WDR81: variants seen among roughly 807,000 people sequenced by gnomAD.
The protein encoded by WDR81 is WD repeat-containing protein 81.
A neutral mutation model predicts 140.8 loss-of-function variants in WDR81; 92 were observed. That is an observed-to-expected ratio of 0.65 (90% CI 0.55 to 0.78). The LOEUF is 0.78. Ranked by LOEUF, WDR81 falls within the 30% of genes least tolerant of loss-of-function variation. The pLI is 0.00. For synonymous variants in WDR81, 1,183 were observed against 1,156.4 expected (o/e 1.02, Z -0.47); for missense variants, 2,502 against 2,636.4 (o/e 0.95, Z 1.12).
chr17:1,730,003 A>AAGAAG (rs1555563755), intron 1 of WDR81, among the ~76,000 whole-genome samples: 6 of 145,078 alleles, frequency 4.1e-5, no homozygotes, highest in East Asian at 2.1e-4. Flanking sequence ...AAAAAAAAAA[A>AAGAAG]AAGAAGAAGA....
At chr17:1,723,649 G>A (rs1046950790), upstream of WDR81, among the ~76,000 whole-genome samples, 16 of 151,704 alleles carry the variant, frequency 1.1e-4, no homozygotes, top group African/African-American at 3.9e-4. Flanking sequence ...CCACGGCCAG[G>A]TAATTTTTTG....
chr17:1,726,022 G>T lies in WDR81; in HGVS notation c.1063G>T (p.Gly355Cys). The change falls in exon 1 of 10, where the codon GGC becomes TGC. Residue 355 changes from glycine (G) to cysteine (C), a missense_variant. By Grantham distance (159) the Gly-to-Cys change is radical. Around this residue, in one of 3 missense-constraint regions of WDR81, gnomAD observed 547 missense variants for 513.8 expected, o/e 1.06. Coordinates refer to ENST00000409644, the MANE Select transcript of WDR81 (RefSeq NM_001163809.2). ...GAGCCTCGTGCTAGATTGGGTCCAC[G>T]GCCGCATCAGCAACTTCCACTACCT... The part of the protein sequence containing the change: ...LRSLVLDWVH[G>C]RISNFHYLMQ... The T allele has an allele frequency of 1.9e-6, 3 of 1,545,234 alleles. No homozygotes were observed. Among genetic ancestry groups the T allele is most frequent in the East Asian group, 2.5e-5 (1 of 40,786 alleles).
At chr17:1,716,753 C>T (rs898717281) in intron 1 of WDR81, 18 of 1,141,424 alleles carry the variant, frequency 1.6e-5, no homozygotes, top group Non-Finnish European at 2.1e-5. Context: ...ACTGACTCGC[C>T]GGCCTCTGCG....
At position 1,725,738 on chromosome 17, in the gene WDR81, T is replaced by G; in HGVS notation, c.779T>G (p.Val260Gly). 1.3e-6 allele frequency: 2 copies of G among 1,550,528 alleles called. No homozygotes were observed. The highest frequency in any genetic ancestry group is 1.7e-6 in the Non-Finnish European group (2 of 1,147,030). Residue 260 changes from valine to glycine, a missense_variant, in exon 1 of 10, where the codon GTG (valine) becomes GGG (glycine). Around this residue, in one of 3 missense-constraint regions of WDR81, gnomAD observed 547 missense variants for 513.8 expected, o/e 1.06. Transcript: ENST00000409644. Reference protein sequence around the residue: ...PAKLTNSQAKVLFILFRVLRA... With the variant: ...PAKLTNSQAKGLFILFRVLRA... ...AAGCTGACCAACAGCCAGGCCAAGG[T>G]GCTGTTCATTCTCTTCCGCGTGCTG... is the stretch of plus-strand genomic sequence containing the variant.
At chr17:1,723,463 TTATTTATTTA>T (rs1915000482), upstream of WDR81, among the ~76,000 whole-genome samples, 14 of 109,990 alleles carry the variant, frequency 1.3e-4, no homozygotes, top group South Asian at 2.7e-3. Context: ...TTATTTTTAT[TTATTTATTTA>T]TTTATTTATT....
chr17:1,721,593 G>GGGCCGATTGCTTGAGCCC (rs1166526836), upstream of WDR81, among the ~76,000 whole-genome samples: 1 of 149,340 alleles, frequency 6.7e-6, no homozygotes, highest in Non-Finnish European at 1.5e-5. Context: ...AGGCCGAGAT[G>GGGCCGATTGCTTGAGCCC]GGCCGATTGC....
rs1202582180 is a variant in WDR81 at position 1,737,384 on chromosome 17, T to C, written c.5525T>C (p.Leu1842Pro). The change falls in exon 10 of 10, where the codon CTG (leucine) becomes CCG (proline). Residue 1842 changes from leucine (L) to proline (P), a missense_variant. Coordinates refer to ENST00000409644, the MANE Select transcript of WDR81 (RefSeq NM_001163809.2). The stretch of plus-strand genomic sequence containing the variant: ...GGACAGGCGGTGGAGGGCAGCGTCC[T>C]GGTCAGCTCCTCCTCTGACCATTCC... Reference protein sequence around the residue: ...LQIKAVEGSVLVSSSSDHSLT... With the variant: ...LQIKAVEGSVPVSSSSDHSLT... 2 of 1,611,236 alleles carry C rather than the reference T, an allele frequency of 1.2e-6. No individual in the cohort carries two copies. The highest frequency in any genetic ancestry group is 1.7e-6 in the Non-Finnish European group (2 of 1,179,006).
At chr17:1,724,049 G>T (rs909712992), upstream of WDR81, among the ~76,000 whole-genome samples, 1 of 152,130 alleles carries the variant, frequency 6.6e-6, no homozygotes, top group African/African-American at 2.4e-5. Context: ...GCATGGAGGC[G>T]CCGGGGGGAT....
chr17:1,722,231 T>C (rs977336048), upstream of WDR81, among the ~76,000 whole-genome samples: 1 of 152,286 alleles, frequency 6.6e-6, no homozygotes, highest in East Asian at 1.9e-4. Flanking sequence ...AAGTTTGTTG[T>C]AAGTTACTAC....
chr17:1,734,777 TC>T (rs146014824), intron 7 of WDR81, among the ~76,000 whole-genome samples: 34,472 of 114,282 alleles, frequency 0.3, 4,872 homozygotes, highest in East Asian at 0.58. Flanking sequence ...AGACTCTGTC[TC>T]AAAAAAAAAA....
chr17:1,730,727 C>G lies in WDR81; in HGVS notation c.3776-28C>G, dbSNP rs777993924. 5 of 1,588,878 alleles carry G rather than the reference C, an allele frequency of 3.1e-6. No homozygotes were observed. In the African/African-American group the frequency reaches 6.7e-5, roughly 21 times the overall value. On this transcript the variant is annotated intron_variant, in intron 2 of 9. Coordinates refer to ENST00000409644, the MANE Select transcript of WDR81 (RefSeq NM_001163809.2). ...GCTACCCCCGGCCCTCCACTGGCGA[C>G]TCAGGGCTGCTGGCCCTTCCGTGGC...
rs1382157502 is a variant in WDR81 at position 1,736,158 on chromosome 17, C to A, written c.5445C>A (p.Thr1815=). 1 of 1,601,484 alleles carries A rather than the reference C, an allele frequency of 6.2e-7. No homozygotes were observed. Among genetic ancestry groups the A allele is most frequent in the East Asian group, 2.2e-5 (1 of 44,866 alleles). ...FSSGFMVLLD[T]RTGLVLRGWP... ...CAGGCTTCATGGTGCTCCTGGACAC[C>A]CGCACAGGCCTGGTTCTGCGAGGCT... Residue 1815 remains threonine (T), a synonymous_variant, in exon 9 of 10, where the codon ACC becomes ACA. Coordinates refer to ENST00000409644, the MANE Select transcript of WDR81 (RefSeq NM_001163809.2).
Position 1,735,151 on chromosome 17 carries a change from C to T in WDR81, c.5180-421C>T, listed in dbSNP as rs921166925. Among the ~76,000 whole-genome samples the T allele has an allele frequency of 9.2e-5, 14 of 152,234 alleles. No homozygotes were observed. Among genetic ancestry groups the T allele is most frequent in the Admixed American group, 5.9e-4 (9 of 15,302 alleles). ...CTCTACTAAGAATACAAAAAAAGGCCGGACGCGGTGGCTCACGCCTGTAAT... is the reference window on the plus strand; with the variant it reads ...CTCTACTAAGAATACAAAAAAAGGCTGGACGCGGTGGCTCACGCCTGTAAT... On this transcript the variant is annotated intron_variant, in intron 7 of 9. Coordinates refer to ENST00000409644, the MANE Select transcript of WDR81 (RefSeq NM_001163809.2). The surrounding 1 kb of genome is among the most constrained non-coding windows in gnomAD (Gnocchi z 4.2).
chr17:1,736,167 C>G lies in WDR81; in HGVS notation c.5454C>G (p.Gly1818=). 6.2e-7 allele frequency: 1 copy of G among 1,600,202 alleles called. No individual in the cohort carries two copies. ...TGGTGCTCCTGGACACCCGCACAGG[C>G]CTGGTTCTGCGAGGCTGGCCAGCCC... The part of the protein sequence containing the change: ...GFMVLLDTRT[G]LVLRGWPAHE... Residue 1818 remains glycine (G), a synonymous_variant, in exon 9 of 10, where the codon GGC becomes GGG. Transcript: ENST00000409644.
At position 1,725,974 on chromosome 17, in the gene WDR81, C is replaced by T; in HGVS notation, c.1015C>T (p.Pro339Ser). The T allele has an allele frequency of 6.5e-7, 1 of 1,550,216 alleles. No homozygotes were observed. ...QEEQGGQPGQ[P>S]TGQEELRSLV... ...GGAGCAGGGAGGGCAACCTGGGCAA[C>T]CCACTGGCCAGGAGGAACTTCGGAG... Residue 339 changes from proline (P) to serine (S), a missense_variant, in exon 1 of 10, where the codon CCC becomes TCC. Transcript: ENST00000409644.
At chr17:1,719,276 G>A (rs1376265412) in intron 1 of WDR81, among the ~76,000 whole-genome samples, 3 of 152,090 alleles carry the variant, frequency 2.0e-5, no homozygotes, top group East Asian at 1.9e-4. Context: ...GCCCGGGCGC[G>A]GTGGCTCATG....
intron 5 of WDR81, 80 bp from the exon 6 acceptor site, chr17:1,732,586 C>A: frequency 1.3e-6 from 2 of 1,573,840 alleles, no homozygotes; most frequent in South Asian, 2.4e-5. Context: ...AAGCTGGACT[C>A]CGCGGGCCGT....
chr17:1,722,038 G>A (rs1244613025), upstream of WDR81, among the ~76,000 whole-genome samples: 6 of 151,766 alleles, frequency 4.0e-5, no homozygotes, highest in East Asian at 3.9e-4. Context: ...CAGGAGAATC[G>A]CTTGAACCCG....
At chr17:1,720,390 G>T (rs1476714434), upstream of WDR81, among the ~76,000 whole-genome samples, 3 of 152,228 alleles carry the variant, frequency 2.0e-5, no homozygotes, top group Non-Finnish European at 4.4e-5. Context: ...TACTTCTCAA[G>T]ACATAGCCTG....
Sources: allele counts gnomAD v4.1 joint callset (sites outside exome capture counted in the v4.1 genomes callset), GRCh38; gene constraint gnomAD v4.1.1; regional missense constraint gnomAD v4.1.1; non-coding constraint Gnocchi (gnomAD v3.1); transcripts MANE v1.5; gene names NCBI Gene and HGNC (gene_info 2026-07-23, HGNC 2026-07-21).